CD84: variants seen among roughly 807,000 people sequenced by gnomAD.
CD84 encodes the protein SLAM family member 5.
CD84 carries 22 observed loss-of-function variants against 33.8 expected under a neutral mutation model. The observed-to-expected ratio is 0.65, with a 90% CI of 0.46 to 0.93. The LOEUF is 0.93. Among genes scored for constraint, CD84 ranks in the 40% least tolerant of loss-of-function variants. CD84 has a pLI of 0.00. For missense variants in CD84, 400 were observed against 397.6 expected, an observed-to-expected ratio of 1.01 and a Z score of -0.05; for synonymous variants, 154 against 145.2, an observed-to-expected ratio of 1.06 and a Z score of -0.44.
intron 5 of CD84, among the ~76,000 whole-genome samples, chr1:160,550,394 C>G (rs890511690): frequency 2.6e-5 from 4 of 151,036 alleles, no homozygotes; most frequent in African/African-American, 9.8e-5. Context: ...GGTGGGGACA[C>G]AGGAGAGGGC....
intron 1 of CD84, among the ~76,000 whole-genome samples, chr1:160,569,538 ACACGCACGCACGCACG>A (rs1165103555): frequency 2.3e-5 from 2 of 88,156 alleles, no homozygotes; most frequent in African/African-American, 7.2e-5. Context: ...ACACACACAC[ACACGCACGCACGCACG>A]CACGCACACA....
At position 160,547,207 on chromosome 1, in the gene CD84, C is replaced by A; in HGVS notation, c.*1049G>T. On this transcript the variant is annotated 3_prime_UTR_variant, in exon 7 of 7. Coordinates refer to ENST00000368054, the MANE Select transcript of CD84 (RefSeq NM_003874.4). ...CTGAGTCTTTGGAACTGGGATGAAC[C>A]CAGTTTCATCATCTGCACCATCATC... 1 of 398,658 alleles carries A rather than the reference C, an allele frequency of 2.5e-6. No individual in the cohort carries two copies. Among genetic ancestry groups the A allele is most frequent in the Non-Finnish European group, 4.4e-6 (1 of 226,062 alleles). 24.7% of individuals were successfully genotyped at this position (398,658 alleles called of 1,614,324 possible).
chr1:160,561,093 G>A lies in CD84; in HGVS notation c.388+4311C>T, dbSNP rs189496809. On this transcript the variant is annotated intron_variant, in intron 2 of 6. Coordinates refer to ENST00000368054, the MANE Select transcript of CD84 (RefSeq NM_003874.4). ...AGCTGAGTTCTACAAGAAGTACAAAGAAGAGCTGGCATAATTTCTACTAAA... is the reference window on the plus strand; with the variant it reads ...AGCTGAGTTCTACAAGAAGTACAAAAAAGAGCTGGCATAATTTCTACTAAA... 6.1e-3 allele frequency among the ~76,000 whole-genome samples: 922 copies of A among 152,250 alleles called. 8 individuals carry two copies. The highest frequency in any genetic ancestry group is 6.0e-3 in the Non-Finnish European group (407 of 68,008).
At chr1:160,570,176 A>G (rs896816845) in intron 1 of CD84, among the ~76,000 whole-genome samples, 1 of 152,210 alleles carries the variant, frequency 6.6e-6, no homozygotes, top group Non-Finnish European at 1.5e-5. Context: ...TTGTTCATCA[A>G]TATATTTTGA....
intron 1 of CD84, among the ~76,000 whole-genome samples, chr1:160,573,750 T>A (rs1657828891): frequency 6.6e-6 from 1 of 152,160 alleles, no homozygotes; most frequent in Admixed American, 6.5e-5. Context: ...TATTTATTGA[T>A]TGTCTCCCAA....
At chr1:160,570,909 G>C (rs1344200208) in intron 1 of CD84, 1 of 152,126 alleles carries the variant, frequency 6.6e-6, no homozygotes, top group African/African-American at 2.4e-5. Context: ...AGGGAAATTT[G>C]CTGTTTTCAT....
intron 2 of CD84, among the ~76,000 whole-genome samples, chr1:160,564,618 T>C (rs1557979230): frequency 6.6e-6 from 1 of 152,238 alleles, no homozygotes; most frequent in African/African-American, 2.4e-5. Flanking sequence ...AGAGTTTGGA[T>C]GAATCTCAGT....
chr1:160,557,148 C>T (rs922826848), intron 2 of CD84, among the ~76,000 whole-genome samples: 3 of 152,198 alleles, frequency 2.0e-5, no homozygotes, highest in African/African-American at 4.8e-5. Flanking sequence ...TTACGATCTA[C>T]ATTCTATAAG....
chr1:160,574,951 T>C (rs796273748), intron 1 of CD84, among the ~76,000 whole-genome samples: 1 of 152,128 alleles, frequency 6.6e-6, no homozygotes, highest in Non-Finnish European at 1.5e-5. Flanking sequence ...AAATAACACC[T>C]CAGACAACTA....
intron 1 of CD84, 108 bp downstream of exon 1, chr1:160,579,284 G>C: frequency 6.8e-7 from 1 of 1,466,962 alleles, no homozygotes; most frequent in South Asian, 1.2e-5. Context: ...TGAGACCCAG[G>C]GTGTTCTGCT....
rs199875386 is a variant in CD84, at chr1:160,551,033, C to A, written c.763G>T (p.Ala255Ser). 6.2e-7 allele frequency: 1 copy of A among 1,609,280 alleles called. No homozygotes were observed. The highest frequency in any genetic ancestry group is 8.5e-7 in the Non-Finnish European group (1 of 1,175,578). ...GTGTATATGGTTTTCTTTGAGGCAG[C>A]ATCTGTCTCACAAATAAATATAGAC... is the stretch of plus-strand genomic sequence containing the variant. The part of the protein sequence containing the change: ...LFRLFKRRQD[A>S]ASKKTIYTYI... Residue 255 changes from alanine to serine, a missense_variant and splice_region_variant, in exon 5 of 7, where the codon GCT becomes TCT. By Grantham distance (99) the Ala-to-Ser change is moderately conservative. Coordinates refer to ENST00000368054, the MANE Select transcript of CD84 (RefSeq NM_003874.4).
At chr1:160,570,557 CTG>C (rs1159803978) in intron 1 of CD84, among the ~76,000 whole-genome samples, 15 of 152,190 alleles carry the variant, frequency 9.9e-5, no homozygotes, top group African/African-American at 3.6e-4. Context: ...TATATGACTT[CTG>C]TGTCTTTAAG....
chr1:160,578,515 G>C lies in CD84; in HGVS notation c.46+877C>G, dbSNP rs147294498. ...TTTACAGAAAATCCAAACGTACTAG[G>C]TTCCCAGGGTTCTAACTCATGCCAG... On this transcript the variant is annotated intron_variant, in intron 1 of 6. Transcript: ENST00000368054. Among the ~76,000 whole-genome samples, 586 of 152,256 alleles carry C rather than the reference G, an allele frequency of 3.8e-3. 4 individuals carry two copies. Among genetic ancestry groups the C allele is most frequent in the African/African-American group, 0.013 (559 of 41,550 alleles).
At chr1:160,572,579 G>C (rs189607340) in intron 1 of CD84, among the ~76,000 whole-genome samples, 47 of 152,020 alleles carry the variant, frequency 3.1e-4, no homozygotes, top group African/African-American at 1.1e-3. Flanking sequence ...TAAAAATTGG[G>C]GGGGGGAATG....
rs1254014186 is a variant in CD84 at position 160,544,781 on chromosome 1, A to G, written c.*3475T>C. ...CTTCTTCTAAGAATCATGAGCTGCAACATTCCTCATTTTCTCAGTTGAGTC... is the reference window on the plus strand; with the variant it reads ...CTTCTTCTAAGAATCATGAGCTGCAGCATTCCTCATTTTCTCAGTTGAGTC... On this transcript the variant is annotated 3_prime_UTR_variant, in exon 7 of 7. Coordinates refer to ENST00000368054, the MANE Select transcript of CD84 (RefSeq NM_003874.4). 1.3e-5 allele frequency: 2 copies of G among 152,246 alleles called. No individual in the cohort carries two copies. The highest frequency in any genetic ancestry group is 6.5e-5 in the Admixed American group (1 of 15,282). The allele number at this position is 152,246 out of a possible 1,614,324, so 9.4% of individuals were successfully genotyped here. A position where few individuals can be genotyped will look rare whatever the true frequency, so the allele number is the denominator to read the frequency against.
At chr1:160,550,337 A>G (rs1656123195) in intron 5 of CD84, among the ~76,000 whole-genome samples, 1 of 151,696 alleles carries the variant, frequency 6.6e-6, no homozygotes, top group Non-Finnish European at 1.5e-5. Context: ...GACCAGGCAG[A>G]CCTCAGTCTC....
rs1484562763 is a variant in CD84 at position 160,545,061 on chromosome 1, G to A, written c.*3195C>T. 6.6e-6 allele frequency: 1 copy of A among 152,182 alleles called. No homozygotes were observed. Among genetic ancestry groups the A allele is most frequent in the Non-Finnish European group, 1.5e-5 (1 of 68,034 alleles). 9.4% of individuals were successfully genotyped at this position (152,182 alleles called of 1,614,324 possible). A position where few individuals can be genotyped will look rare whatever the true frequency, so the allele number is the denominator to read the frequency against. ...TACAGAAGGAAAATCTAAGAACTAA[G>A]ACCTAGAGAGAAGGGTGAACAGATA... On this transcript the variant is annotated 3_prime_UTR_variant, in exon 7 of 7. Coordinates refer to ENST00000368054, the MANE Select transcript of CD84 (RefSeq NM_003874.4).
intron 1 of CD84, chr1:160,571,602 A>T (rs1373727607): frequency 1.3e-5 from 2 of 152,232 alleles, no homozygotes; most frequent in Non-Finnish European, 2.9e-5. Flanking sequence ...GTGATGAGAT[A>T]GGACAGTAGC....
chr1:160,551,372 G>T, intron 4 of CD84: 1 of 261,184 alleles, frequency 3.8e-6, no homozygotes, highest in Non-Finnish European at 7.3e-6. Flanking sequence ...GTCTTGCATG[G>T]CTAGTTGACT....
Sources: allele counts gnomAD v4.1 joint callset (sites outside exome capture counted in the v4.1 genomes callset), GRCh38; gene constraint gnomAD v4.1.1; transcripts MANE v1.5; gene names NCBI Gene and HGNC (gene_info 2026-07-23, HGNC 2026-07-21).